Variants in GABPB1 observed in about 807,000 individuals in gnomAD.
GABPB1 encodes the protein GA-binding protein subunit beta-1.
Under a neutral mutation model 45.9 loss-of-function variants are expected in GABPB1, and 15 were observed. The ratio of observed to expected loss-of-function variants is 0.33; its 90% CI spans 0.22 to 0.50. The LOEUF is 0.50. Ranked by LOEUF, GABPB1 falls within the 20% of genes least tolerant of loss-of-function variation. The pLI, the probability that GABPB1 is intolerant of heterozygous loss-of-function variation, is 0.98. For missense variants in GABPB1, 252 were observed against 457.5 expected, an observed-to-expected ratio of 0.55 and a Z score of 4.10; for synonymous variants, 143 against 154.4, an observed-to-expected ratio of 0.93 and a Z score of 0.55.
Position 50,277,415 on chromosome 15 carries a change from G to C in GABPB1, c.*1217C>G, listed in dbSNP as rs770633675. On this transcript the variant is annotated 3_prime_UTR_variant, in exon 9 of 9. Transcript: ENST00000380877. ...CTGAAAAATAAAGCAAGAAAAAGGGGTTTGAAGTAATATTTTACCAAAAAA... is the reference window on the plus strand; with the variant it reads ...CTGAAAAATAAAGCAAGAAAAAGGGCTTTGAAGTAATATTTTACCAAAAAA... The C allele has an allele frequency of 6.7e-6, 1 of 149,646 alleles. No homozygotes were observed. The highest frequency in any genetic ancestry group is 6.6e-5 in the Admixed American group (1 of 15,054). 9.3% of individuals were successfully genotyped at this position (149,646 alleles called of 1,614,324 possible). A position where few individuals can be genotyped will look rare whatever the true frequency, so the allele number is the denominator to read the frequency against.
At chr15:50,302,643 CAAAAAAAAAAAAAAAA>C (rs60408137) in intron 4 of GABPB1, among the ~76,000 whole-genome samples, 1 of 62,188 alleles carries the variant, frequency 1.6e-5, no homozygotes, top group South Asian at 6.1e-4. Context: ...GACTCTGGCT[CAAAAAAAAAAAAAAAA>C]AAAAAAAAAA....
chr15:50,278,651 G>T lies in GABPB1; in HGVS notation c.1133C>A (p.Thr378Asn). Residue 378 changes from threonine to asparagine, a missense_variant, in exon 9 of 9, where the codon ACT (threonine) becomes AAT (asparagine). Coordinates refer to ENST00000380877, the MANE Select transcript of GABPB1 (RefSeq NM_016654.5). ...QKLEAMTRLQTNKEAV is the reference protein window; with the variant it reads ...QKLEAMTRLQNNKEAV The stretch of plus-strand genomic sequence containing the variant: ...TTTCAATTAAACAGCTTCTTTATTA[G>T]TCTGAAGACGAGTCATAGCTTCCAA... The T allele has an allele frequency of 2.5e-6, 4 of 1,609,946 alleles. No homozygotes were observed. Among genetic ancestry groups the T allele is most frequent in the Non-Finnish European group, 3.4e-6 (4 of 1,178,966 alleles).
chr15:50,312,992 A>G (rs1466127415), intron 1 of GABPB1, among the ~76,000 whole-genome samples: 1 of 152,170 alleles, frequency 6.6e-6, no homozygotes, highest in Non-Finnish European at 1.5e-5. Context: ...TCTTTCTTTG[A>G]TAACACATAG....
chr15:50,325,554 T>TG (rs560968820), intron 1 of GABPB1, among the ~76,000 whole-genome samples: 85 of 152,222 alleles, frequency 5.6e-4, no homozygotes, highest in Non-Finnish European at 1.1e-3. Flanking sequence ...TTTCTTGAGA[T>TG]GGAGTCTCGC....
At chr15:50,336,674 C>T (rs1480631499) in intron 1 of GABPB1, among the ~76,000 whole-genome samples, 1 of 151,868 alleles carries the variant, frequency 6.6e-6, no homozygotes, top group Non-Finnish European at 1.5e-5. Flanking sequence ...CAGAACAAGA[C>T]ACTGTCTCAA....
At chr15:50,320,021 GCTTA>G (rs1455787155) in intron 1 of GABPB1, among the ~76,000 whole-genome samples, 2 of 152,056 alleles carry the variant, frequency 1.3e-5, no homozygotes, top group Non-Finnish European at 2.9e-5. Context: ...TACACACAAT[GCTTA>G]CTTCTTTTTA....
In GABPB1 at chr15:50,337,130, A is replaced by AT. The variant is rs2048176845; in HGVS notation, c.-1+17854dup. On this transcript the variant is annotated intron_variant, in intron 1 of 8. Transcript: ENST00000380877. ...ATATATATATATATATATATATATA[A>AT]TATGAAGAGGTCAGAGCCCATCCAA... Among the ~76,000 whole-genome samples, 5 of 3,868 alleles carry AT rather than the reference A, an allele frequency of 1.3e-3. 1 individual carries two copies. The highest frequency in any genetic ancestry group is 2.6e-3 in the Admixed American group (1 of 386). The allele number at this position is 3,868 out of a possible 152,430, so 2.5% of individuals were successfully genotyped here.
intron 1 of GABPB1, among the ~76,000 whole-genome samples, chr15:50,345,866 C>T (rs1052431254): frequency 2.0e-5 from 3 of 152,094 alleles, no homozygotes; most frequent in Non-Finnish European, 4.4e-5. Flanking sequence ...CGCTCGCCAC[C>T]ACGCCCAGCT....
chr15:50,326,836 A>G (rs1427812644), intron 1 of GABPB1, among the ~76,000 whole-genome samples: 1 of 124,098 alleles, frequency 8.1e-6, no homozygotes, highest in African/African-American at 4.1e-5. Context: ...CCCCGTCTTT[A>G]AAAAAAAAAA....
At chr15:50,339,927 CTT>C (rs1177258102) in intron 1 of GABPB1, among the ~76,000 whole-genome samples, 1 of 152,186 alleles carries the variant, frequency 6.6e-6, no homozygotes, top group Admixed American at 6.5e-5. Context: ...TGGGAGTTAT[CTT>C]CCACTCTTCC....
At chr15:50,330,090 G>A (rs892114852) in intron 1 of GABPB1, among the ~76,000 whole-genome samples, 1 of 151,672 alleles carries the variant, frequency 6.6e-6, no homozygotes, top group Non-Finnish European at 1.5e-5. Context: ...TTTTTGGAGA[G>A]ACGAGGTTTT....
At chr15:50,302,547 G>A (rs2046791178) in intron 4 of GABPB1, among the ~76,000 whole-genome samples, 1 of 149,262 alleles carries the variant, frequency 6.7e-6, no homozygotes, top group Non-Finnish European at 1.5e-5. Context: ...GAGAGGCTGG[G>A]GCAGGAGAAT....
chr15:50,288,957 C>T (rs2046255706), intron 7 of GABPB1, among the ~76,000 whole-genome samples: 1 of 152,050 alleles, frequency 6.6e-6, no homozygotes, highest in Admixed American at 6.6e-5. Flanking sequence ...TCCCAAGTAG[C>T]TGCGACTATC....
At chr15:50,314,627 C>T (rs1372283228) in intron 1 of GABPB1, 1 of 152,182 alleles carries the variant, frequency 6.6e-6, no homozygotes, top group African/African-American at 2.4e-5. Context: ...ATTTAATGGG[C>T]AAGTGCCATG....
intron 6 of GABPB1, 58 bp from the exon 7 acceptor site, chr15:50,289,726 A>T: frequency 7.4e-7 from 1 of 1,360,334 alleles, no homozygotes; most frequent in East Asian, 2.4e-5. Context: ...ATAGAAACCT[A>T]TTTTTGCTTT....
chr15:50,312,832 T>C (rs2047177924), intron 1 of GABPB1, among the ~76,000 whole-genome samples: 1 of 152,200 alleles, frequency 6.6e-6, no homozygotes, highest in Admixed American at 6.6e-5. Context: ...AGTTTAGGGC[T>C]TTTCCCCACC....
At chr15:50,310,975 C>CAAAAAAAA (rs34615409) in intron 1 of GABPB1, among the ~76,000 whole-genome samples, 1 of 123,132 alleles carries the variant, frequency 8.1e-6, no homozygotes, top group Non-Finnish European at 1.7e-5. Context: ...AACTCTGTCT[C>CAAAAAAAA]AAAAAAAAAA....
chr15:50,279,368 T>C (rs1007891225), intron 8 of GABPB1, among the ~76,000 whole-genome samples: 5 of 152,182 alleles, frequency 3.3e-5, no homozygotes, highest in Admixed American at 3.3e-4. Flanking sequence ...CTATTTTCAT[T>C]TACAATAGCA....
chr15:50,315,980 C>A, intron 1 of GABPB1, among the ~76,000 whole-genome samples: 1 of 152,150 alleles, frequency 6.6e-6, no homozygotes, highest in East Asian at 1.9e-4. Flanking sequence ...AGGAGAATCC[C>A]TGAACCCAGG....
Sources: gnomAD v4.1 joint callset for allele counts (sites outside exome capture counted in the v4.1 genomes callset) on GRCh38, gnomAD v4.1.1 for gene constraint, MANE v1.5 for transcripts, NCBI Gene and HGNC (gene_info 2026-07-23, HGNC 2026-07-21) for gene names.